The following FREM2 variants were observed in gnomAD, a reference collection of about 807,000 sequenced individuals.
FREM2 encodes the protein FRAS1 related extracellular matrix 2.
In FREM2, 119 loss-of-function variants were observed where a neutral mutation model predicts 219.9. The ratio of observed to expected loss-of-function variants is 0.54; its 90% CI spans 0.47 to 0.63. The LOEUF is 0.63. FREM2 is among the 30% of genes least tolerant of loss of function. FREM2 has a pLI of 0.00. For synonymous variants in FREM2, 1,562 were observed against 1,522.8 expected (o/e 1.03, Z -0.60); for missense variants, 4,030 against 3,993.6 (o/e 1.01, Z -0.25).
Position 38,688,010 on chromosome 13 carries a change from C to T in FREM2, c.666C>T (p.Ser222=). 1.2e-6 allele frequency: 2 copies of T among 1,611,906 alleles called. No homozygotes were observed. The highest frequency in any genetic ancestry group is 2.2e-5 in the South Asian group (2 of 90,970). The change falls in exon 1 of 24, where the codon TCC becomes TCT. Residue 222 remains serine (S), a synonymous_variant. Transcript: ENST00000280481. ...ETEECRVGIL[S]GLGALPRYGE... ...AGGAGTGCCGCGTGGGCATCCTGTC[C>T]GGCTTGGGCGCGCTGCCTCGCTATG... is the stretch of plus-strand genomic sequence containing the variant.
At chr13:38,772,652 T>C (rs1873708983) in intron 4 of FREM2, among the ~76,000 whole-genome samples, 1 of 151,992 alleles carries the variant, frequency 6.6e-6, no homozygotes, top group Non-Finnish European at 1.5e-5. Flanking sequence ...TTTTGGAACA[T>C]TAGTTCCAAA....
At chr13:38,807,189 TTATATATATATATATATATATATATATA>T (rs59551341) in intron 6 of FREM2, among the ~76,000 whole-genome samples, 1 of 45,378 alleles carries the variant, frequency 2.2e-5, no homozygotes, top group Non-Finnish European at 4.5e-5. Flanking sequence ...CTTGTCTCTG[TTATATATATATATATATATATATATATA>T]TATATATATA....
chr13:38,775,776 A>C (rs1873846940), intron 4 of FREM2, among the ~76,000 whole-genome samples: 1 of 151,896 alleles, frequency 6.6e-6, no homozygotes, highest in Non-Finnish European at 1.5e-5. Context: ...ACACCACCAT[A>C]CCCAGCTAAT....
At chr13:38,803,216 T>A (rs1436738659) in intron 6 of FREM2, among the ~76,000 whole-genome samples, 1 of 152,208 alleles carries the variant, frequency 6.6e-6, no homozygotes, top group Non-Finnish European at 1.5e-5. Flanking sequence ...AATAAAATTA[T>A]GAAATTATGT....
intron 6 of FREM2, among the ~76,000 whole-genome samples, chr13:38,787,618 A>C (rs1043959145): frequency 1.3e-5 from 2 of 152,030 alleles, no homozygotes; most frequent in African/African-American, 4.8e-5. Flanking sequence ...AAAAATAAGT[A>C]AGTGTGGTTT....
intron 17 of FREM2, among the ~76,000 whole-genome samples, chr13:38,873,698 A>G (rs1593457674): frequency 6.6e-6 from 1 of 152,206 alleles, no homozygotes; most frequent in Admixed American, 6.5e-5. Flanking sequence ...AAACATCCAT[A>G]GTGTCATGCC....
rs753671776 is a variant in FREM2 at position 38,864,271 on chromosome 13, A to G, written c.7652-4A>G. On this transcript the variant is annotated splice_region_variant and splice_polypyrimidine_tract_variant and intron_variant, in intron 15 of 23. Transcript: ENST00000280481. ...CTGTTAACAATGATTTCGATTTATC[A>G]TAGGCATGCTCCCCGTGATCTCCAC... The G allele has an allele frequency of 7.6e-5, 123 of 1,609,728 alleles. No individual in the cohort carries two copies. The highest frequency in any genetic ancestry group is 1.6e-4 in the Middle Eastern group (1 of 6,066).
intron 13 of FREM2, among the ~76,000 whole-genome samples, chr13:38,858,512 C>T (rs972043037): frequency 6.6e-6 from 1 of 152,078 alleles, no homozygotes; most frequent in Non-Finnish European, 1.5e-5. Flanking sequence ...GGGACTGCAA[C>T]GTGAGCTACA....
At position 38,818,221 on chromosome 13, in the gene FREM2, G is replaced by A. The variant is rs115692970; in HGVS notation, c.6020-28352G>A. On this transcript the variant is annotated intron_variant, in intron 6 of 23. Transcript: ENST00000280481. ...TATTTGAAATCCATATGTTGAAGAGGTATCTGCATGCCCATGTTTATTGCA... is the reference window on the plus strand; with the variant it reads ...TATTTGAAATCCATATGTTGAAGAGATATCTGCATGCCCATGTTTATTGCA... Among the ~76,000 whole-genome samples the A allele has an allele frequency of 8.7e-3, 1,328 of 152,082 alleles. 24 individuals carry two copies. The highest frequency in any genetic ancestry group is 0.031 in the African/African-American group (1,267 of 41,474).
At chr13:38,830,686 A>C (rs768201733) in intron 6 of FREM2, among the ~76,000 whole-genome samples, 9 of 151,956 alleles carry the variant, frequency 5.9e-5, no homozygotes, top group Non-Finnish European at 8.8e-5. Flanking sequence ...CAACTTCCCA[A>C]CCTACTGCAC....
intron 7 of FREM2, among the ~76,000 whole-genome samples, chr13:38,847,109 A>C (rs1249198822): frequency 6.6e-6 from 1 of 152,148 alleles, no homozygotes; most frequent in Admixed American, 6.6e-5. Flanking sequence ...TTATGCAGGC[A>C]TGTGTCTTCA....
Position 38,869,741 on chromosome 13 carries a change from A to G in FREM2, c.7984-3001A>G, listed in dbSNP as rs185459088. On this transcript the variant is annotated intron_variant, in intron 16 of 23. Transcript: ENST00000280481. ...GACACCTATTTTGTAAATAAAATTT[A>G]AAGTTGTTTGGGTTCACAATAAAAA... is the stretch of plus-strand genomic sequence containing the variant. Among the ~76,000 whole-genome samples, 475 of 152,362 alleles carry G rather than the reference A, an allele frequency of 3.1e-3. 1 individual carries two copies. Among genetic ancestry groups the G allele is most frequent in the Non-Finnish European group, 4.6e-3 (313 of 68,038 alleles).
At chr13:38,729,032 C>T (rs866887454) in intron 2 of FREM2, among the ~76,000 whole-genome samples, 19 of 152,146 alleles carry the variant, frequency 1.2e-4, no homozygotes, top group Admixed American at 4.6e-4. Flanking sequence ...ACGGGGTTTC[C>T]CCATGTTGGT....
intron 14 of FREM2, 27 bp from the exon 15 acceptor site, chr13:38,861,404 A>C (rs1028756553): frequency 1.9e-6 from 3 of 1,609,462 alleles, no homozygotes; most frequent in Non-Finnish European, 2.5e-6. Flanking sequence ...TTCTTTTCGC[A>C]TAAATATGGT....
rs1429584592 is a variant in FREM2 at position 38,687,560 on chromosome 13, A to G, written c.216A>G (p.Ile72Met). Reference sequence around the variant, plus strand: ...CAGGGGTCCCTGCTGAGGAGGCCATAGTGCTGGCGAACCGCGGACTCCGGG... The same window carrying G: ...CAGGGGTCCCTGCTGAGGAGGCCATGGTGCTGGCGAACCGCGGACTCCGGG... ...GAAGVPAEEA[I>M]VLANRGLRVP... Residue 72 changes from isoleucine to methionine, a missense_variant, in exon 1 of 24, where the codon ATA becomes ATG. Around this residue, in one of 2 missense-constraint regions of FREM2, gnomAD observed 3,102 missense variants for 2,950.7 expected, o/e 1.05. Transcript: ENST00000280481. 1.2e-6 allele frequency: 2 copies of G among 1,602,556 alleles called. No homozygotes were observed. Among genetic ancestry groups the G allele is most frequent in the Non-Finnish European group, 1.7e-6 (2 of 1,174,206 alleles).
At position 38,688,251 on chromosome 13, in the gene FREM2, T is replaced by C. The variant is rs1183247166; in HGVS notation, c.907T>C (p.Phe303Leu). Residue 303 changes from phenylalanine to leucine, a missense_variant, in exon 1 of 24, where the codon TTC becomes CTC. Phe to Leu is a conservative substitution (Grantham distance 22). Around this residue, in one of 2 missense-constraint regions of FREM2, gnomAD observed 3,102 missense variants for 2,950.7 expected, o/e 1.05. Transcript: ENST00000280481. ...VGSPALKREH[F>L]QVLVRIRGGA... ...CAGCCCTGCTTTGAAACGCGAGCAC[T>C]TCCAGGTTCTGGTGAGGATCCGAGG... 1.2e-6 allele frequency: 2 copies of C among 1,613,968 alleles called. No homozygotes were observed. Among genetic ancestry groups the C allele is most frequent in the Non-Finnish European group, 1.7e-6 (2 of 1,180,022 alleles).
At chr13:38,824,042 G>T (rs1876174504) in intron 6 of FREM2, among the ~76,000 whole-genome samples, 2 of 152,004 alleles carry the variant, frequency 1.3e-5, no homozygotes, top group African/African-American at 4.8e-5. Flanking sequence ...TGAAAATAAT[G>T]GATAGAGCAT....
Position 38,717,951 on chromosome 13 carries a change from T to G in FREM2, c.5263+20164T>G, listed in dbSNP as rs1871076240. On this transcript the variant is annotated intron_variant, in intron 2 of 23. Coordinates refer to ENST00000280481, the MANE Select transcript of FREM2 (RefSeq NM_207361.6). ...GTGAAGTTTATTTCAGGTTTTCTTT[T>G]TACACAAGTATACATGCTCATTATA... is the stretch of plus-strand genomic sequence containing the variant. Among the ~76,000 whole-genome samples the G allele has an allele frequency of 5.3e-5, 8 of 152,304 alleles. 1 individual carries two copies. In the South Asian group the frequency reaches 1.7e-3, roughly 32 times the overall value.
At chr13:38,789,973 T>C (rs1874493854) in intron 6 of FREM2, among the ~76,000 whole-genome samples, 1 of 152,140 alleles carries the variant, frequency 6.6e-6, no homozygotes. Context: ...TTCAATGAGA[T>C]TTTATATGTA....
Sources: allele counts gnomAD v4.1 joint callset (sites outside exome capture counted in the v4.1 genomes callset), GRCh38; gene constraint gnomAD v4.1.1; regional missense constraint gnomAD v4.1.1; transcripts MANE v1.5; gene names NCBI Gene and HGNC (gene_info 2026-07-23, HGNC 2026-07-21).